The following CACNA1C variants were observed in gnomAD, a reference collection of about 807,000 sequenced individuals.
CACNA1C encodes voltage-dependent L-type calcium channel subunit alpha-1C.
Under a neutral mutation model 229.0 loss-of-function variants are expected in CACNA1C, and 30 were observed. The observed-to-expected ratio is 0.13, with a 90% CI of 0.10 to 0.18. The LOEUF (loss-of-function observed/expected upper bound fraction) is 0.18, where lower values mean the gene tolerates loss of function less well. CACNA1C is among the 10% of genes least tolerant of loss of function. The probability of loss-of-function intolerance (pLI) is 1.00; values close to 1 mark genes in which losing one functional copy is unlikely to be tolerated. For missense variants in CACNA1C, 1,658 were observed against 2,845.0 expected (o/e 0.58, Z 9.49); for synonymous variants, 1,114 against 1,132.5 (o/e 0.98, Z 0.33).
At chr12:2,401,526 G>A (rs2098677697) in intron 3 of CACNA1C, among the ~76,000 whole-genome samples, 1 of 152,202 alleles carries the variant, frequency 6.6e-6, no homozygotes, top group Admixed American at 6.5e-5. Context: ...ACATTATAGA[G>A]CTAGCAGACA....
At chr12:2,205,471 A>G (rs187149852) in intron 3 of CACNA1C, among the ~76,000 whole-genome samples, 27 of 152,318 alleles carry the variant, frequency 1.8e-4, no homozygotes, top group African/African-American at 5.5e-4. Context: ...TTAACCTTTC[A>G]TCTTGCCCTG....
rs554511993 is a variant in CACNA1C, at chr12:2,656,865, G to A, written c.4232+1627G>A. On this transcript the variant is annotated intron_variant, in intron 34 of 46. Coordinates refer to ENST00000399655, the MANE Select transcript of CACNA1C (RefSeq NM_000719.7). ...CTTGTTAATAAATAGTGTTGCCAAA[G>A]AGGAAAAAGGGAATTACTTTCAAAA... Among the ~76,000 whole-genome samples, 4 of 152,242 alleles carry A rather than the reference G, an allele frequency of 2.6e-5. No individual in the cohort carries two copies. The South Asian group carries it at 8.3e-4, about 32-fold the overall frequency.
intron 1 of CACNA1C, among the ~76,000 whole-genome samples, chr12:2,019,116 T>C (rs1327409998): frequency 6.6e-6 from 1 of 151,902 alleles, no homozygotes. Context: ...TATGGTTTGA[T>C]AGGTTGGCAG....
At chr12:2,344,714 A>T (rs553007709) in intron 3 of CACNA1C, among the ~76,000 whole-genome samples, 2 of 152,076 alleles carry the variant, frequency 1.3e-5, no homozygotes, top group African/African-American at 4.8e-5. Context: ...GTGTGTGTGG[A>T]GGCTGAGACT....
rs104629 is a variant in CACNA1C, at chr12:2,646,189, A to G, written c.3913-2286A>G. On this transcript the variant is annotated intron_variant, in intron 30 of 46. Coordinates refer to ENST00000399655, the MANE Select transcript of CACNA1C (RefSeq NM_000719.7). The surrounding 1 kb of genome is among the most constrained non-coding windows in gnomAD (Gnocchi z 4.6). ...ATGGGAGCTATAAAATGCAACAAGA[A>G]AAAAGACAGTTAAGACAAATGTTTA... is the stretch of plus-strand genomic sequence containing the variant. Among the ~76,000 whole-genome samples, 136,711 of 152,304 alleles carry G rather than the reference A, an allele frequency of 0.9. 61,693 individuals carry two copies. The highest frequency in any genetic ancestry group is 0.94 in the South Asian group (4,552 of 4,828).
At chr12:2,264,049 G>A (rs920243122) in intron 3 of CACNA1C, among the ~76,000 whole-genome samples, 3 of 152,212 alleles carry the variant, frequency 2.0e-5, no homozygotes, top group East Asian at 1.9e-4. Flanking sequence ...AGAGTAGCCT[G>A]GGGTATCCAC....
intron 3 of CACNA1C, among the ~76,000 whole-genome samples, chr12:2,272,858 A>G (rs540221540): frequency 6.6e-6 from 1 of 152,370 alleles, no homozygotes; most frequent in Admixed American, 6.5e-5. Context: ...GGATCAGAAT[A>G]AAATAGCTCC....
chr12:2,283,850 C>T (rs2092077869), intron 3 of CACNA1C, among the ~76,000 whole-genome samples: 1 of 152,218 alleles, frequency 6.6e-6, no homozygotes, highest in African/African-American at 2.4e-5. Flanking sequence ...GCTACTTGTG[C>T]TTCATTCATG....
intron 3 of CACNA1C, among the ~76,000 whole-genome samples, chr12:2,226,867 C>A (rs1172657808): frequency 6.6e-6 from 1 of 152,220 alleles, no homozygotes; most frequent in Non-Finnish European, 1.5e-5. Flanking sequence ...AGTGCAAATT[C>A]TTTTCTAATG....
At chr12:2,182,683 C>CTAG (rs2096877892) in intron 3 of CACNA1C, among the ~76,000 whole-genome samples, 1 of 152,138 alleles carries the variant, frequency 6.6e-6, no homozygotes, top group South Asian at 2.1e-4. Context: ...TGGAAGTGTG[C>CTAG]TAGGGACTGT....
rs180890259 is a variant in CACNA1C at position 2,574,643 on chromosome 12, G to A, written c.1895+6849G>A. 3.9e-5 allele frequency among the ~76,000 whole-genome samples: 6 copies of A among 152,312 alleles called. No homozygotes were observed. In the East Asian group the frequency reaches 1.2e-3, roughly 29 times the overall value. On this transcript the variant is annotated intron_variant, in intron 13 of 46. Coordinates refer to ENST00000399655, the MANE Select transcript of CACNA1C (RefSeq NM_000719.7). Reference sequence around the variant, plus strand: ...GTGAGAGCCGTTAGCACATCTCCCAGGCTCGAAATGTCTCCATGTCCCTAC... The same window carrying A: ...GTGAGAGCCGTTAGCACATCTCCCAAGCTCGAAATGTCTCCATGTCCCTAC...
chr12:2,555,321 G>T (rs1296491139), intron 10 of CACNA1C, among the ~76,000 whole-genome samples: 1 of 152,146 alleles, frequency 6.6e-6, no homozygotes, highest in Non-Finnish European at 1.5e-5. Flanking sequence ...CGTCATCAAG[G>T]GGCACCCCAG....
intron 3 of CACNA1C, among the ~76,000 whole-genome samples, chr12:2,307,831 G>T (rs75726475): frequency 6.6e-6 from 1 of 152,142 alleles, no homozygotes; most frequent in African/African-American, 2.4e-5. Context: ...AAGGCAATGC[G>T]GCTGCCCACT....
intron 30 of CACNA1C, 79 bp from the exon 31 acceptor site, chr12:2,648,396 G>C: frequency 1.5e-6 from 2 of 1,331,370 alleles, no homozygotes; most frequent in Non-Finnish European, 2.2e-6. Flanking sequence ...TGTTGCTCCC[G>C]TGTCAGCCAA....
At chr12:2,446,937 A>G (rs566649502) in intron 3 of CACNA1C, among the ~76,000 whole-genome samples, 1 of 152,214 alleles carries the variant, frequency 6.6e-6, no homozygotes, top group East Asian at 1.9e-4. Context: ...ATATGAAAGC[A>G]CCTGACACCT....
intron 1 of CACNA1C, chr12:2,011,234 A>T (rs1031580223): frequency 6.6e-6 from 1 of 151,982 alleles, no homozygotes; most frequent in Non-Finnish European, 1.5e-5. Flanking sequence ...TTCTCAGTGT[A>T]CCATGGAAAG....
intron 1 of CACNA1C, among the ~76,000 whole-genome samples, chr12:2,033,704 A>G (rs2048619720): frequency 6.6e-6 from 1 of 152,242 alleles, no homozygotes; most frequent in African/African-American, 2.4e-5. Context: ...ATCATTCCCC[A>G]GGTCAAATCT....
At chr12:1,983,406 T>C (rs2036731515) in intron 1 of CACNA1C, among the ~76,000 whole-genome samples, 1 of 152,054 alleles carries the variant, frequency 6.6e-6, no homozygotes, top group Non-Finnish European at 1.5e-5. Flanking sequence ...AGTCCAACTT[T>C]GGTTGCAACT....
At chr12:2,655,326 C>A in intron 34 of CACNA1C, 88 bp downstream of exon 34, 1 of 791,108 alleles carries the variant, frequency 1.3e-6, no homozygotes, top group Non-Finnish European at 2.1e-6. Context: ...AAGGGAACTG[C>A]TTCCCGGGGA....
Sources: allele counts gnomAD v4.1 joint callset (sites outside exome capture counted in the v4.1 genomes callset), GRCh38; gene constraint gnomAD v4.1.1; non-coding constraint Gnocchi (gnomAD v3.1); transcripts MANE v1.5; gene names NCBI Gene and HGNC (gene_info 2026-07-23, HGNC 2026-07-21).